RCL1: variants seen among roughly 807,000 people sequenced by gnomAD.
RCL1 encodes RNA 3'-terminal phosphate cyclase-like protein.
A neutral mutation model predicts 42.4 loss-of-function variants in RCL1; 24 were observed. That is an observed-to-expected ratio of 0.57 (90% CI 0.41 to 0.80). The LOEUF is 0.80. Among genes scored for constraint, RCL1 ranks in the 30% least tolerant of loss-of-function variants. The pLI is 0.00. For synonymous variants in RCL1, 228 were observed against 177.3 expected (o/e 1.29, Z -2.27); for missense variants, 578 against 467.9 (o/e 1.24, Z -2.17).
chr9:4,849,301 CTCTT>C, intron 7 of RCL1, 142 bp from the exon 8 acceptor site: 1 of 618,212 alleles, frequency 1.6e-6, no homozygotes, highest in Non-Finnish European at 2.9e-6. Flanking sequence ...ACAATGATTA[CTCTT>C]ATAAGACCTG....
chr9:4,795,086 C>CTT (rs5896093), intron 1 of RCL1, among the ~76,000 whole-genome samples: 9 of 151,134 alleles, frequency 6.0e-5, no homozygotes, highest in Admixed American at 6.6e-5. Context: ...TAATTTCTTT[C>CTT]TTTTTTTTTG....
At chr9:4,797,515 AT>A (rs1842931039) in intron 1 of RCL1, among the ~76,000 whole-genome samples, 1 of 152,112 alleles carries the variant, frequency 6.6e-6, no homozygotes, top group South Asian at 2.1e-4. Context: ...ATTTGGAGAC[AT>A]TTTTGGTTGT....
intron 8 of RCL1, among the ~76,000 whole-genome samples, chr9:4,854,366 A>G (rs968490501): frequency 6.6e-6 from 1 of 152,332 alleles, no homozygotes; most frequent in East Asian, 1.9e-4. Context: ...CCATGTAATG[A>G]CTATAGGGAC....
intron 3 of RCL1, among the ~76,000 whole-genome samples, chr9:4,832,418 C>G (rs1296256606): frequency 6.6e-6 from 1 of 152,164 alleles, no homozygotes; most frequent in African/African-American, 2.4e-5. Context: ...TTTGCTTTGA[C>G]TCGGAATGCT....
At chr9:4,823,473 T>C in intron 1 of RCL1, 75 bp from the exon 2 acceptor site, 1 of 1,125,544 alleles carries the variant, frequency 8.9e-7, no homozygotes, top group South Asian at 1.3e-5. Flanking sequence ...GAATCAGGCA[T>C]GTGCTCTGGA....
chr9:4,839,796 T>C, intron 5 of RCL1: 1 of 973,246 alleles, frequency 1.0e-6, no homozygotes, highest in Non-Finnish European at 1.2e-6. Flanking sequence ...CCCTTGCCCT[T>C]ATAGAGTGTG....
intron 8 of RCL1, among the ~76,000 whole-genome samples, chr9:4,851,661 T>C (rs456044): frequency 0.9 from 136,558 of 151,946 alleles, 61,457 homozygotes; most frequent in East Asian, 1. Context: ...TTTTTATGTG[T>C]AGTTAAAGTC....
intron 1 of RCL1, among the ~76,000 whole-genome samples, chr9:4,819,773 C>T (rs546207075): frequency 1.3e-5 from 2 of 152,248 alleles, no homozygotes; most frequent in East Asian, 1.9e-4. Flanking sequence ...CGCCACTGCA[C>T]TCCAGCCTGG....
chr9:4,805,120 A>G (rs1843079858), intron 1 of RCL1: 1 of 152,544 alleles, frequency 6.6e-6, no homozygotes, highest in Admixed American at 6.5e-5. Flanking sequence ...CTCAAAGCCA[A>G]TGAAGAGGGG....
intron 8 of RCL1, among the ~76,000 whole-genome samples, chr9:4,855,490 G>A (rs1013211863): frequency 3.3e-5 from 5 of 152,188 alleles, no homozygotes; most frequent in Admixed American, 3.3e-4. Flanking sequence ...AGCTGCTGCT[G>A]TGGAGAGCTG....
At chr9:4,842,841 G>T (rs1817380556) in intron 6 of RCL1, among the ~76,000 whole-genome samples, 1 of 152,206 alleles carries the variant, frequency 6.6e-6, no homozygotes, top group Admixed American at 6.5e-5. Context: ...CATCTCGATA[G>T]TCCCTTCTCT....
intron 3 of RCL1, among the ~76,000 whole-genome samples, chr9:4,832,293 G>A (rs1816966305): frequency 6.6e-6 from 1 of 152,020 alleles, no homozygotes; most frequent in African/African-American, 2.4e-5. Context: ...TGTAGTTTGA[G>A]GCTGTCATCA....
intron 1 of RCL1, among the ~76,000 whole-genome samples, chr9:4,794,084 G>A (rs1281614083): frequency 6.6e-6 from 1 of 152,220 alleles, no homozygotes; most frequent in East Asian, 1.9e-4. Context: ...CAAGTTGGGC[G>A]AGTCAGTAGT....
At chr9:4,806,473 A>C (rs1815967878) in intron 1 of RCL1, among the ~76,000 whole-genome samples, 1 of 152,090 alleles carries the variant, frequency 6.6e-6, no homozygotes, top group South Asian at 2.1e-4. Flanking sequence ...TTTCTGCACC[A>C]GTTGATGTGA....
chr9:4,839,754 T>C (rs753336363), intron 5 of RCL1: 1 of 972,410 alleles, frequency 1.0e-6, no homozygotes, highest in Non-Finnish European at 1.2e-6. Context: ...AAGTGGTGTA[T>C]TGGAGAGTTG....
chr9:4,807,808 C>T (rs1018312145), intron 1 of RCL1, among the ~76,000 whole-genome samples: 6 of 152,176 alleles, frequency 3.9e-5, no homozygotes, highest in East Asian at 1.9e-4. Context: ...CGTGAGCCCC[C>T]GCGCCTGGCA....
In RCL1 at chr9:4,841,270, T is replaced by C. The variant is rs967216765; in HGVS notation, c.623T>C (p.Ile208Thr). The C allele has an allele frequency of 1.2e-6, 2 of 1,613,678 alleles. No homozygotes were observed. Among genetic ancestry groups the C allele is most frequent in the South Asian group, 1.1e-5 (1 of 91,082 alleles). The change falls in exon 6 of 9, where the codon ATT becomes ACT. Residue 208 changes from isoleucine to threonine, a missense_variant. Physicochemically the swap from Ile to Thr is moderately conservative, Grantham distance 89. Transcript: ENST00000381750. ...VRVSPQMANRIVDSARSILNK... is the reference protein window; with the variant it reads ...VRVSPQMANRTVDSARSILNK... Reference sequence around the variant, plus strand: ...GTGTCACCTCAGATGGCGAACCGGATTGTGGATTCTGCAAGGAGCATCCTC... The same window carrying C: ...GTGTCACCTCAGATGGCGAACCGGACTGTGGATTCTGCAAGGAGCATCCTC...
intron 1 of RCL1, among the ~76,000 whole-genome samples, chr9:4,805,165 C>T (rs965888540): frequency 6.6e-6 from 1 of 152,136 alleles, no homozygotes; most frequent in African/African-American, 2.4e-5. Flanking sequence ...CCAGCCTGGG[C>T]AATGTGGTGA....
chr9:4,824,597 G>A (rs1816698450), intron 2 of RCL1, among the ~76,000 whole-genome samples: 1 of 152,040 alleles, frequency 6.6e-6, no homozygotes, highest in Admixed American at 6.5e-5. Context: ...GAAAACTGTG[G>A]CAAACATCCG....
Sources: allele counts gnomAD v4.1 joint callset (sites outside exome capture counted in the v4.1 genomes callset), GRCh38; gene constraint gnomAD v4.1.1; transcripts MANE v1.5; gene names NCBI Gene and HGNC (gene_info 2026-07-23, HGNC 2026-07-21).